RYR2: variants seen among roughly 807,000 people sequenced by gnomAD.
The protein encoded by RYR2 is ryanodine receptor 2, also known as cardiac muscle ryanodine receptor-calcium release channel.
Under a neutral mutation model 601.1 loss-of-function variants are expected in RYR2, and 227 were observed. That is an observed-to-expected ratio of 0.38 (90% CI 0.34 to 0.42). RYR2 has a LOEUF of 0.42. RYR2 is among the 10% of genes least tolerant of loss of function. RYR2 has a pLI of 1.00. For synonymous variants in RYR2, 2,223 were observed against 2,175.1 expected (o/e 1.02, Z -0.61); for missense variants, 4,646 against 6,156.5 (o/e 0.75, Z 8.21).
At chr1:237,671,159 T>C (rs1298501169) in intron 58 of RYR2, among the ~76,000 whole-genome samples, 1 of 152,176 alleles carries the variant, frequency 6.6e-6, no homozygotes, top group Non-Finnish European at 1.5e-5. Context: ...ACTGCATGTA[T>C]GGATCTCATT....
At chr1:237,366,822 G>A (rs1700240637) in intron 5 of RYR2, among the ~76,000 whole-genome samples, 1 of 152,088 alleles carries the variant, frequency 6.6e-6, no homozygotes, top group South Asian at 2.1e-4. Flanking sequence ...TTTGACTAGT[G>A]TGGCTGTCAA....
chr1:237,260,730 T>C (rs1256337803), intron 1 of RYR2, among the ~76,000 whole-genome samples: 1 of 152,224 alleles, frequency 6.6e-6, no homozygotes, highest in Non-Finnish European at 1.5e-5. Flanking sequence ...TTCTAAATTA[T>C]AGTGTACTAA....
intron 1 of RYR2, among the ~76,000 whole-genome samples, chr1:237,074,991 G>A (rs929610825): frequency 6.6e-6 from 1 of 152,162 alleles, no homozygotes; most frequent in Non-Finnish European, 1.5e-5. Flanking sequence ...ACATGTTTGG[G>A]AGCTATATTG....
chr1:237,832,238 A>G (rs1209600659), intron 104 of RYR2, among the ~76,000 whole-genome samples: 1 of 151,012 alleles, frequency 6.6e-6, no homozygotes, highest in Non-Finnish European at 1.5e-5. Context: ...ATTTTAGTAC[A>G]GACAAGATCT....
intron 34 of RYR2, among the ~76,000 whole-genome samples, chr1:237,597,294 ATT>A (rs3057358): frequency 4.4e-4 from 63 of 144,644 alleles, no homozygotes; most frequent in East Asian, 2.3e-3. Context: ...AGTCCAGAGT[ATT>A]TTTTTTTTTT....
At chr1:237,184,481 T>C (rs1029279140) in intron 1 of RYR2, among the ~76,000 whole-genome samples, 14 of 152,230 alleles carry the variant, frequency 9.2e-5, no homozygotes, top group Admixed American at 7.2e-4. Context: ...CTTAATGTTA[T>C]CAAGAGTGTA....
chr1:237,135,191 A>AACAGCAACCAAGGAAGGT (rs1309484407), intron 1 of RYR2, among the ~76,000 whole-genome samples: 1 of 152,154 alleles, frequency 6.6e-6, no homozygotes, highest in Non-Finnish European at 1.5e-5. Context: ...AAATCTTAGT[A>AACAGCAACCAAGGAAGGT]ACAGCAACCA....
At chr1:237,695,296 T>A (rs1044787015) in intron 63 of RYR2, among the ~76,000 whole-genome samples, 1 of 152,240 alleles carries the variant, frequency 6.6e-6, no homozygotes, top group African/African-American at 2.4e-5. Context: ...GTTATTATTT[T>A]AATTATGTAC....
chr1:237,297,926 A>ATTTTT (rs71661539), intron 2 of RYR2, among the ~76,000 whole-genome samples: 31,465 of 133,000 alleles, frequency 0.24, 4,495 homozygotes, highest in South Asian at 0.34. Context: ...AATTTTTTGT[A>ATTTTT]TTTTTTTTTT....
intron 79 of RYR2, among the ~76,000 whole-genome samples, chr1:237,737,047 G>A (rs1356782486): frequency 6.6e-6 from 1 of 152,126 alleles, no homozygotes; most frequent in Non-Finnish European, 1.5e-5. Flanking sequence ...CTGAAGAATC[G>A]AAGTGGGCTG....
Position 237,507,440 on chromosome 1 carries a change from CT to C in RYR2, c.2718+629del, listed in dbSNP as rs556437189. Reference sequence around the variant, plus strand: ...TGTTTGTGTCAAAACCATGGTAATACTTTCATTTGTATGATATATTCTAAGT... The same window carrying C: ...TGTTTGTGTCAAAACCATGGTAATACTTCATTTGTATGATATATTCTAAGT... On this transcript the variant is annotated intron_variant, in intron 23 of 104. Transcript: ENST00000366574. Among the ~76,000 whole-genome samples, 230 of 152,222 alleles carry C rather than the reference CT, an allele frequency of 1.5e-3. 2 individuals are homozygous for C. Among genetic ancestry groups the C allele is most frequent in the African/African-American group, 5.2e-3 (218 of 41,550 alleles).
intron 80 of RYR2, chr1:237,743,532 A>G: frequency 1.9e-6 from 1 of 516,124 alleles, no homozygotes; most frequent in South Asian, 1.4e-5. Flanking sequence ...CAGCATTTAT[A>G]GTCTATCCGT....
At chr1:237,716,563 A>G (rs1035608310) in intron 71 of RYR2, among the ~76,000 whole-genome samples, 3 of 152,292 alleles carry the variant, frequency 2.0e-5, no homozygotes, top group Admixed American at 1.3e-4. Flanking sequence ...CAAAAACATC[A>G]CAAGAGAGCC....
chr1:237,155,179 CTTTTT>C (rs11412062), intron 1 of RYR2, among the ~76,000 whole-genome samples: 2 of 127,632 alleles, frequency 1.6e-5, no homozygotes, highest in Admixed American at 9.0e-5. Context: ...TTTTTCTTTT[CTTTTT>C]TTTTTTTTTT....
At chr1:237,081,439 G>A (rs556510900) in intron 1 of RYR2, among the ~76,000 whole-genome samples, 3 of 151,790 alleles carry the variant, frequency 2.0e-5, no homozygotes, top group Admixed American at 2.0e-4. Context: ...AGGTTCTAAA[G>A]GGACAACCAA....
chr1:237,572,304 T>G (rs1394816275), intron 29 of RYR2, among the ~76,000 whole-genome samples: 3 of 152,178 alleles, frequency 2.0e-5, no homozygotes, highest in Non-Finnish European at 2.9e-5. Flanking sequence ...CTGCTGTGCT[T>G]CCTTTCTTTG....
At chr1:237,703,624 A>G (rs577880510) in intron 66 of RYR2, among the ~76,000 whole-genome samples, 28 of 148,248 alleles carry the variant, frequency 1.9e-4, no homozygotes, top group African/African-American at 6.3e-4. Flanking sequence ...TATATAAAAT[A>G]TATAAAAATT....
intron 1 of RYR2, among the ~76,000 whole-genome samples, chr1:237,143,719 C>T (rs768529370): frequency 4.6e-5 from 7 of 152,090 alleles, no homozygotes; most frequent in Non-Finnish European, 8.8e-5. Flanking sequence ...TTTTAGGGCC[C>T]GTGCCTTGGG....
chr1:237,361,472 T>C (rs1699778823), intron 4 of RYR2, among the ~76,000 whole-genome samples: 1 of 152,060 alleles, frequency 6.6e-6, no homozygotes, highest in South Asian at 2.1e-4. Context: ...GTGTACAGAG[T>C]AGGGTATTTT....
Sources: allele counts gnomAD v4.1 joint callset (sites outside exome capture counted in the v4.1 genomes callset), GRCh38; gene constraint gnomAD v4.1.1; transcripts MANE v1.5; gene names NCBI Gene and HGNC (gene_info 2026-07-23, HGNC 2026-07-21).